The following GRAMD2B variants were observed in gnomAD, a reference collection of about 807,000 sequenced individuals.
GRAMD2B encodes the protein GRAM domain containing 2B, also known as GRAM domain-containing protein 2B.
In GRAMD2B, 41 loss-of-function variants were observed where a neutral mutation model predicts 59.2. The observed-to-expected ratio is 0.69, with a 90% confidence interval of 0.54 to 0.90. GRAMD2B has a LOEUF of 0.90. GRAMD2B is among the 40% of genes least tolerant of loss of function. GRAMD2B has a pLI of 0.00. For missense variants in GRAMD2B, 424 were observed against 500.5 expected (o/e 0.85, Z 1.46); for synonymous variants, 161 against 182.7 (o/e 0.88, Z 0.96).
upstream of GRAMD2B, among the ~76,000 whole-genome samples, chr5:126,418,716 T>C (rs945111866): frequency 2.0e-5 from 3 of 152,228 alleles, no homozygotes; most frequent in Admixed American, 6.5e-5. Flanking sequence ...TTGACATAAA[T>C]CATTCAACAA....
intron 1 of GRAMD2B, among the ~76,000 whole-genome samples, chr5:126,397,814 T>C (rs1757489710): frequency 6.6e-6 from 1 of 152,200 alleles, no homozygotes; most frequent in Non-Finnish European, 1.5e-5. Flanking sequence ...TCAGTAATGT[T>C]GGCCTGTAGG....
chr5:126,412,674 AG>A (rs1758917352), intron 1 of GRAMD2B, among the ~76,000 whole-genome samples: 1 of 152,130 alleles, frequency 6.6e-6, no homozygotes, highest in Admixed American at 6.6e-5. Context: ...GAATAGTTTC[AG>A]TAGGATTGGT....
chr5:126,402,733 C>T (rs555796036), intron 1 of GRAMD2B, among the ~76,000 whole-genome samples: 170 of 151,974 alleles, frequency 1.1e-3, no homozygotes, highest in African/African-American at 4.0e-3. Context: ...TTACATTTAG[C>T]CAAAGAAATA....
At chr5:126,404,660 G>A (rs1323783084) in intron 1 of GRAMD2B, among the ~76,000 whole-genome samples, 1 of 151,740 alleles carries the variant, frequency 6.6e-6, no homozygotes, top group Non-Finnish European at 1.5e-5. Flanking sequence ...AATTTGGAAA[G>A]TCATTAACTG....
At chr5:126,397,363 T>C (rs1445919544) in intron 1 of GRAMD2B, among the ~76,000 whole-genome samples, 1 of 152,170 alleles carries the variant, frequency 6.6e-6, no homozygotes, top group Non-Finnish European at 1.5e-5. Flanking sequence ...TAGCTGGGAC[T>C]GCAGGCATGC....
upstream of GRAMD2B, among the ~76,000 whole-genome samples, chr5:126,371,060 T>C (rs1247932415): frequency 6.6e-6 from 1 of 152,196 alleles, no homozygotes; most frequent in East Asian, 1.9e-4. Context: ...AGAAAAAGCA[T>C]CCTGCTTTTA....
intron 1 of GRAMD2B, among the ~76,000 whole-genome samples, chr5:126,439,576 T>C (rs774341909): frequency 2.8e-4 from 43 of 152,176 alleles, no homozygotes; most frequent in Non-Finnish European, 5.7e-4. Flanking sequence ...TCATCCTGCC[T>C]CAGCTTCCCA....
At chr5:126,364,041 T>G (rs909085278) in intron 1 of GRAMD2B, among the ~76,000 whole-genome samples, 4 of 152,216 alleles carry the variant, frequency 2.6e-5, no homozygotes, top group Non-Finnish European at 4.4e-5. Flanking sequence ...AATAAGACCT[T>G]ATGATTTTAT....
At chr5:126,421,838 A>G (rs1035469569), upstream of GRAMD2B, among the ~76,000 whole-genome samples, 3 of 152,230 alleles carry the variant, frequency 2.0e-5, no homozygotes, top group African/African-American at 4.8e-5. Flanking sequence ...ACATACATGT[A>G]CATACTATGG....
At chr5:126,481,907 G>A (rs1771919439) in intron 8 of GRAMD2B, among the ~76,000 whole-genome samples, 2 of 151,044 alleles carry the variant, frequency 1.3e-5, no homozygotes, top group South Asian at 2.1e-4. Context: ...GGTGGAGGTT[G>A]CAGTGAGCCG....
intron 1 of GRAMD2B, among the ~76,000 whole-genome samples, chr5:126,411,053 T>C (rs1433735300): frequency 6.6e-6 from 1 of 152,176 alleles, no homozygotes; most frequent in Non-Finnish European, 1.5e-5. Flanking sequence ...TCTCCCATTC[T>C]GTAAGTTGTC....
intron 1 of GRAMD2B, among the ~76,000 whole-genome samples, chr5:126,376,765 G>C (rs1755222513): frequency 6.6e-6 from 1 of 152,106 alleles, no homozygotes; most frequent in Admixed American, 6.6e-5. Flanking sequence ...TGTTTTAAGG[G>C]GATATATAAT....
chr5:126,436,004 C>T (rs574626541), intron 1 of GRAMD2B, among the ~76,000 whole-genome samples: 22 of 152,300 alleles, frequency 1.4e-4, no homozygotes, highest in African/African-American at 5.3e-4. Flanking sequence ...AATGGGGTAA[C>T]ATAATTTAAA....
chr5:126,450,987 C>G lies in GRAMD2B; in HGVS notation c.84-14439C>G, dbSNP rs75592006. 4.6e-3 allele frequency among the ~76,000 whole-genome samples: 695 copies of G among 152,390 alleles called. 9 individuals are homozygous for G. Among genetic ancestry groups the G allele is most frequent in the African/African-American group, 0.016 (654 of 41,600 alleles). On this transcript the variant is annotated intron_variant, in intron 1 of 13. Coordinates refer to ENST00000285689, the MANE Select transcript of GRAMD2B (RefSeq NM_023927.4). ...TTGTGCCCCCACACAGAGTGCCCAACAGGGCACTGCCTAGTGGAACTGTAG... is the reference window on the plus strand; with the variant it reads ...TTGTGCCCCCACACAGAGTGCCCAAGAGGGCACTGCCTAGTGGAACTGTAG...
chr5:126,491,158 T>G (rs1773855604), intron 13 of GRAMD2B, among the ~76,000 whole-genome samples: 1 of 152,192 alleles, frequency 6.6e-6, no homozygotes, highest in Non-Finnish European at 1.5e-5. Flanking sequence ...TGTTTTAATT[T>G]TGGGTTTTGT....
At chr5:126,413,214 T>C (rs1168686564) in intron 1 of GRAMD2B, among the ~76,000 whole-genome samples, 3 of 152,136 alleles carry the variant, frequency 2.0e-5, no homozygotes, top group Non-Finnish European at 4.4e-5. Context: ...ATTTGAGATC[T>C]TTCTAACTTT....
At chr5:126,404,751 G>A (rs1210699063) in intron 1 of GRAMD2B, among the ~76,000 whole-genome samples, 1 of 151,876 alleles carries the variant, frequency 6.6e-6, no homozygotes, top group Non-Finnish European at 1.5e-5. Context: ...GAGGAGGAGA[G>A]GAAGAGGAGT....
intron 1 of GRAMD2B, among the ~76,000 whole-genome samples, chr5:126,424,894 A>G (rs1760331170): frequency 6.6e-6 from 1 of 152,258 alleles, no homozygotes; most frequent in Middle Eastern, 3.2e-3. Flanking sequence ...CACAAAGTTA[A>G]TAAAAGAGCA....
chr5:126,429,028 C>T (rs1761102424), intron 1 of GRAMD2B, among the ~76,000 whole-genome samples: 1 of 152,136 alleles, frequency 6.6e-6, no homozygotes, highest in African/African-American at 2.4e-5. Context: ...TCAGCAATCC[C>T]TTTACTGGGT....
Sources: gnomAD v4.1 joint callset for allele counts (sites outside exome capture counted in the v4.1 genomes callset) on GRCh38, gnomAD v4.1.1 for gene constraint, MANE v1.5 for transcripts, NCBI Gene and HGNC (gene_info 2026-07-23, HGNC 2026-07-21) for gene names.